ANO3: variants seen among roughly 807,000 people sequenced by gnomAD.
ANO3 encodes the protein anoctamin 3, also known as anoctamin-3.
ANO3 carries 99 observed loss-of-function variants against 144.8 expected under a neutral mutation model. The ratio of observed to expected loss-of-function variants is 0.68; its 90% CI spans 0.58 to 0.81. The LOEUF is 0.81. Among genes scored for constraint, ANO3 ranks in the 30% least tolerant of loss-of-function variants. The probability of loss-of-function intolerance (pLI) is 0.00; values close to 1 mark genes in which losing one functional copy is unlikely to be tolerated. For missense variants in ANO3, 905 were observed against 1,202.2 expected (o/e 0.75, Z 3.66); for synonymous variants, 414 against 392.6 (o/e 1.05, Z -0.64).
At chr11:26,429,748 AAGC>A (rs1858025180) in intron 1 of ANO3, among the ~76,000 whole-genome samples, 1 of 152,224 alleles carries the variant, frequency 6.6e-6, no homozygotes, top group African/African-American at 2.4e-5. Context: ...CAAGACAAAG[AAGC>A]CACCTGATTC....
intron 1 of ANO3, among the ~76,000 whole-genome samples, chr11:26,235,724 G>A (rs1852506421): frequency 6.6e-6 from 1 of 150,886 alleles, no homozygotes; most frequent in African/African-American, 2.4e-5. Context: ...TTATTCATAT[G>A]ATATACAGTA....
chr11:26,351,134 A>C (rs1187154202), intron 1 of ANO3, among the ~76,000 whole-genome samples: 1 of 152,074 alleles, frequency 6.6e-6, no homozygotes, highest in Non-Finnish European at 1.5e-5. Context: ...TAAATCAATA[A>C]TGTTTATTTG....
At chr11:26,609,102 G>T (rs577660188) in intron 17 of ANO3, among the ~76,000 whole-genome samples, 1 of 152,174 alleles carries the variant, frequency 6.6e-6, no homozygotes, top group Admixed American at 6.5e-5. Context: ...TCCATGGGTT[G>T]CAATAGTTCC....
At chr11:26,221,854 A>G (rs1021361097) in intron 1 of ANO3, among the ~76,000 whole-genome samples, 1 of 152,206 alleles carries the variant, frequency 6.6e-6, no homozygotes, top group African/African-American at 2.4e-5. Context: ...TTAAAAGGAC[A>G]GCACCAAGGT....
At chr11:26,499,528 A>G (rs1434853299) in intron 4 of ANO3, among the ~76,000 whole-genome samples, 1 of 151,278 alleles carries the variant, frequency 6.6e-6, no homozygotes, top group Admixed American at 6.6e-5. Flanking sequence ...TTATTTTTTT[A>G]GTGTCTCTAA....
intron 1 of ANO3, among the ~76,000 whole-genome samples, chr11:26,265,191 C>G (rs187967916): frequency 1.1e-4 from 17 of 152,182 alleles, no homozygotes; most frequent in Admixed American, 3.3e-4. Context: ...CAAGAACTAA[C>G]TTTAGCATCA....
intron 17 of ANO3, among the ~76,000 whole-genome samples, chr11:26,624,208 C>T (rs994555079): frequency 6.6e-6 from 1 of 151,776 alleles, no homozygotes; most frequent in Non-Finnish European, 1.5e-5. Context: ...AGAAAAGACT[C>T]GTTATTACAG....
intron 4 of ANO3, among the ~76,000 whole-genome samples, chr11:26,493,707 A>G (rs1273899761): frequency 6.6e-6 from 1 of 152,198 alleles, no homozygotes; most frequent in Non-Finnish European, 1.5e-5. Flanking sequence ...GACCTGAGAA[A>G]GTGACACCAG....
chr11:26,352,377 T>C (rs1023384090), intron 1 of ANO3, among the ~76,000 whole-genome samples: 3 of 152,154 alleles, frequency 2.0e-5, no homozygotes, highest in African/African-American at 7.2e-5. Flanking sequence ...TTTTATTTTT[T>C]TATTTTTAAA....
chr11:26,590,206 G>A (rs541114421), intron 14 of ANO3, among the ~76,000 whole-genome samples: 13 of 152,158 alleles, frequency 8.5e-5, no homozygotes, highest in Non-Finnish European at 1.5e-4. Context: ...AGGAGTTGCC[G>A]TAAAGTAGAA....
chr11:26,466,782 T>C (rs537142987), intron 4 of ANO3, among the ~76,000 whole-genome samples: 3 of 151,946 alleles, frequency 2.0e-5, no homozygotes, highest in Non-Finnish European at 4.4e-5. Flanking sequence ...TTTGTCTCTC[T>C]GCAAGAGATA....
chr11:26,553,219 G>GTTGT, intron 12 of ANO3, 30 bp from the exon 13 acceptor site: 1 of 1,197,678 alleles, frequency 8.3e-7, no homozygotes, highest in South Asian at 1.3e-5. Context: ...GCTATGTTTT[G>GTTGT]TTTTGTTTTT....
rs185421954 is a variant in ANO3, at chr11:26,285,286, C to A, written c.155-24359C>A. ...AAGAAACTCATAATTTGCATAATGG[C>A]AACAAAGCATCTAAATTAAACTGTG... On this transcript the variant is annotated intron_variant, in intron 1 of 27. Transcript: ENST00000672621. Among the ~76,000 whole-genome samples the A allele has an allele frequency of 7.8e-3, 1,183 of 152,032 alleles. 8 individuals are homozygous for A. Among genetic ancestry groups the A allele is most frequent in the Middle Eastern group, 0.027 (8 of 294 alleles).
At chr11:26,526,097 A>G (rs1240087607) in intron 7 of ANO3, among the ~76,000 whole-genome samples, 1 of 152,112 alleles carries the variant, frequency 6.6e-6, no homozygotes, top group Non-Finnish European at 1.5e-5. Context: ...TAGTGTTCAG[A>G]GAGATGAGGT....
chr11:26,633,826 A>G (rs1209440233), intron 18 of ANO3, among the ~76,000 whole-genome samples: 2 of 152,202 alleles, frequency 1.3e-5, no homozygotes, highest in Non-Finnish European at 2.9e-5. Context: ...CTGTAATCCT[A>G]GCATTTTGGG....
intron 1 of ANO3, among the ~76,000 whole-genome samples, chr11:26,283,321 A>AATATATATATATATATATATAT (rs58419788): frequency 1.0e-4 from 5 of 49,128 alleles, no homozygotes; most frequent in African/African-American, 1.3e-4. Flanking sequence ...CAAATAAATA[A>AATATATATATATATATATATAT]ATATATATAT....
chr11:26,294,924 G>C (rs996431603), intron 1 of ANO3, among the ~76,000 whole-genome samples: 2 of 151,692 alleles, frequency 1.3e-5, no homozygotes, highest in African/African-American at 2.4e-5. Flanking sequence ...TTTTGAGACG[G>C]AGTCTTTCTC....
At chr11:26,312,617 G>T (rs1854526816) in intron 1 of ANO3, among the ~76,000 whole-genome samples, 1 of 152,136 alleles carries the variant, frequency 6.6e-6, no homozygotes, top group Admixed American at 6.5e-5. Context: ...ATTTTTTCAT[G>T]TGTCTGTTGG....
At chr11:26,598,482 G>C in intron 15 of ANO3, 35 bp downstream of exon 15, 1 of 1,430,646 alleles carries the variant, frequency 7.0e-7, no homozygotes. Context: ...TAGGGAAACT[G>C]GGCTATTACA....
Sources: allele counts gnomAD v4.1 joint callset (sites outside exome capture counted in the v4.1 genomes callset), GRCh38; gene constraint gnomAD v4.1.1; transcripts MANE v1.5; gene names NCBI Gene and HGNC (gene_info 2026-07-23, HGNC 2026-07-21).